SEC13: variants seen among roughly 807,000 people sequenced by gnomAD.
SEC13 encodes the protein SEC13 homolog, nuclear pore and COPII component, also known as protein SEC13 homolog.
A neutral mutation model predicts 49.2 loss-of-function variants in SEC13; 25 were observed. The ratio of observed to expected loss-of-function variants is 0.51; its 90% CI spans 0.37 to 0.71. The LOEUF (loss-of-function observed/expected upper bound fraction) is 0.71, where lower values mean the gene tolerates loss of function less well. Ranked by LOEUF, SEC13 falls within the 30% of genes least tolerant of loss-of-function variation. The pLI, the probability that SEC13 is intolerant of heterozygous loss-of-function variation, is 0.00. For synonymous variants in SEC13, 148 were observed against 163.9 expected, an observed-to-expected ratio of 0.90 and a Z score of 0.74; for missense variants, 383 against 417.6, an observed-to-expected ratio of 0.92 and a Z score of 0.72.
At chr3:10,305,264 T>G in intron 6 of SEC13, 108 bp from the exon 7 acceptor site, 1 of 1,440,046 alleles carries the variant, frequency 6.9e-7, no homozygotes, top group Non-Finnish European at 9.2e-7. Flanking sequence ...CCATCTTTCT[T>G]CTTTCATTCA....
chr3:10,308,200 C>T (rs1701009894), intron 5 of SEC13, among the ~76,000 whole-genome samples: 1 of 152,180 alleles, frequency 6.6e-6, no homozygotes, highest in African/African-American at 2.4e-5. Context: ...GCCCATCATT[C>T]CCAAAAGTTT....
intron 5 of SEC13, among the ~76,000 whole-genome samples, chr3:10,309,829 G>A (rs1041801611): frequency 6.6e-6 from 1 of 152,228 alleles, no homozygotes; most frequent in Non-Finnish European, 1.5e-5. Flanking sequence ...AAAGGCTCAG[G>A]AAAGTCTAAG....
Position 10,308,668 on chromosome 3 carries a change from ATAATC to A in SEC13, c.451-2981_451-2977del, listed in dbSNP as rs1701040155. Among the ~76,000 whole-genome samples, 6 of 151,740 alleles carry A rather than the reference ATAATC, an allele frequency of 4.0e-5. No individual in the cohort carries two copies. The South Asian group carries it at 1.2e-3, about 31-fold the overall frequency. On this transcript the variant is annotated intron_variant, in intron 5 of 8. Coordinates refer to ENST00000350697, the MANE Select transcript of SEC13 (RefSeq NM_183352.3). ...ATCCTTACTATTGAAGAGTCTGACA[ATAATC>A]TAATTGTCTTTCCCCTTTAAGTCAC...
chr3:10,313,590 T>A (rs1701421653), intron 3 of SEC13: 1 of 275,254 alleles, frequency 3.6e-6, no homozygotes. Context: ...AGTCTCCTCC[T>A]CCCTCTGGCT....
chr3:10,307,212 C>CT (rs35883236), intron 5 of SEC13, among the ~76,000 whole-genome samples: 76 of 141,316 alleles, frequency 5.4e-4, no homozygotes, highest in African/African-American at 6.3e-4. Context: ...GAGCCACTGC[C>CT]TTTTTTTTTT....
chr3:10,317,530 G>C (rs943125883), intron 2 of SEC13, among the ~76,000 whole-genome samples: 1 of 151,904 alleles, frequency 6.6e-6, no homozygotes, highest in African/African-American at 2.4e-5. Flanking sequence ...CTCAGGAAAT[G>C]CCCTGAGTGT....
At chr3:10,311,098 G>C (rs537324300) in intron 5 of SEC13, among the ~76,000 whole-genome samples, 10 of 151,740 alleles carry the variant, frequency 6.6e-5, no homozygotes, top group Admixed American at 6.6e-4. Flanking sequence ...CCCTGTGTCT[G>C]CGTGGGCTCT....
At chr3:10,313,570 C>T (rs1319108283) in intron 3 of SEC13, 6 of 322,124 alleles carry the variant, frequency 1.9e-5, no homozygotes, top group African/African-American at 8.4e-5. Flanking sequence ...CCGTGGGCTG[C>T]ACACACTCAA....
At chr3:10,312,914 A>C (rs963970941) in intron 3 of SEC13, 184 bp from the exon 4 acceptor site, 8 of 588,414 alleles carry the variant, frequency 1.4e-5, no homozygotes, top group Non-Finnish European at 2.1e-5. Flanking sequence ...TGAGGTCCTA[A>C]GAGGTTAAGC....
intron 5 of SEC13, among the ~76,000 whole-genome samples, chr3:10,307,634 T>G (rs1164731477): frequency 6.6e-6 from 1 of 152,124 alleles, no homozygotes; most frequent in Non-Finnish European, 1.5e-5. Context: ...GTGAGACTTA[T>G]TCACTATCAA....
intron 5 of SEC13, among the ~76,000 whole-genome samples, chr3:10,307,486 C>A (rs796789118): frequency 6.6e-6 from 1 of 152,114 alleles, no homozygotes; most frequent in South Asian, 2.1e-4. Flanking sequence ...AATGGACTTA[C>A]AGCTCCATGT....
Position 10,301,104 on chromosome 3 carries a change from C to A in SEC13, c.*157G>T. The A allele has an allele frequency of 6.2e-7, 1 of 1,613,332 alleles. No individual in the cohort carries two copies. The highest frequency in any genetic ancestry group is 8.5e-7 in the Non-Finnish European group (1 of 1,179,868). On this transcript the variant is annotated 3_prime_UTR_variant, in exon 9 of 9. Transcript: ENST00000350697. Reference sequence around the variant, plus strand: ...GTAGATTACAAAGCATCTCCGATCACGTTAAGGCAGATGATCAATCTGTGG... The same window carrying A: ...GTAGATTACAAAGCATCTCCGATCAAGTTAAGGCAGATGATCAATCTGTGG...
rs757478883 is a variant in SEC13, at chr3:10,312,734, CA to C, written c.165-5del. ...TTGCCACACAGGACCCTCATGACTA[CA>C]AAGGGAGAGATAGGCCAGAGGAACC... On this transcript the variant is annotated splice_polypyrimidine_tract_variant and splice_region_variant and intron_variant, in intron 3 of 8. Coordinates refer to ENST00000350697, the MANE Select transcript of SEC13 (RefSeq NM_183352.3). 2 of 1,614,072 alleles carry C rather than the reference CA, an allele frequency of 1.2e-6. No homozygotes were observed. Among genetic ancestry groups the C allele is most frequent in the South Asian group, 2.2e-5 (2 of 91,078 alleles).
Position 10,307,513 on chromosome 3 carries a change from C to A in SEC13, c.451-1821G>T, listed in dbSNP as rs1171972451. 1.8e-4 allele frequency among the ~76,000 whole-genome samples: 27 copies of A among 147,584 alleles called. 1 individual carries two copies. The highest frequency in any genetic ancestry group is 1.8e-3 in the Admixed American group (27 of 14,862). ...GCTCCATGTAGCTGGGGAGGCCTCA[C>A]AATCATGGCAGAAGGCAAGGGAGGA... On this transcript the variant is annotated intron_variant, in intron 5 of 8. Transcript: ENST00000350697.
intron 3 of SEC13, chr3:10,314,805 G>A (rs1352000533): frequency 2.0e-5 from 3 of 153,510 alleles, no homozygotes; most frequent in Non-Finnish European, 2.9e-5. Flanking sequence ...GCAGAACAAT[G>A]GGATTTATAA....
In SEC13 at chr3:10,318,084, A is replaced by G. The variant is rs755936816; in HGVS notation, c.14T>C (p.Ile5Thr). MVSV[I>T]NTVDTSHEDM... ...CTCATGGGAGGTATCCACAGTGTTA[A>G]TTACTGACACCTAGAACCAAAGATA... is the stretch of plus-strand genomic sequence containing the variant. The change falls in exon 2 of 9, where the codon ATT (isoleucine) becomes ACT (threonine). Residue 5 changes from isoleucine (I) to threonine (T), a missense_variant. Transcript: ENST00000350697. The G allele has an allele frequency of 2.5e-6, 4 of 1,603,056 alleles. No homozygotes were observed. The highest frequency in any genetic ancestry group is 3.4e-6 in the Non-Finnish European group (4 of 1,170,232).
chr3:10,301,153 A>AAAATAATCCTGTTGG lies in SEC13; in HGVS notation c.*93_*107dup. 1 of 1,613,930 alleles carries AAAATAATCCTGTTGG rather than the reference A, an allele frequency of 6.2e-7. No individual in the cohort carries two copies. Among genetic ancestry groups the AAAATAATCCTGTTGG allele is most frequent in the South Asian group, 1.1e-5 (1 of 91,082 alleles). On this transcript the variant is annotated 3_prime_UTR_variant, in exon 9 of 9. Coordinates refer to ENST00000350697, the MANE Select transcript of SEC13 (RefSeq NM_183352.3). ...GGCTGCATCTGTAACTCCTCCTGGG[A>AAAATAATCCTGTTGG]AAATAATCCTGTTGGAGTTGGGGGC...
Position 10,305,546 on chromosome 3 carries a change from C to T in SEC13, c.584+13G>A, listed in dbSNP as rs776699322. 1.2e-6 allele frequency: 2 copies of T among 1,613,126 alleles called. No homozygotes were observed. Among genetic ancestry groups the T allele is most frequent in the South Asian group, 1.1e-5 (1 of 91,010 alleles). On this transcript the variant is annotated intron_variant, in intron 6 of 8. Transcript: ENST00000350697. Reference sequence around the variant, plus strand: ...GTGTCCCCTCAAAGAGAAGGCCACACATCCCTACTTACTTCCACAGCTTGA... The same window carrying T: ...GTGTCCCCTCAAAGAGAAGGCCACATATCCCTACTTACTTCCACAGCTTGA...
At chr3:10,309,155 CTT>C (rs1463010553) in intron 5 of SEC13, among the ~76,000 whole-genome samples, 1 of 151,706 alleles carries the variant, frequency 6.6e-6, no homozygotes, top group East Asian at 1.9e-4. Flanking sequence ...TCAGGCTGGT[CTT>C]AAACTCCTGA....
Sources: allele counts gnomAD v4.1 joint callset (sites outside exome capture counted in the v4.1 genomes callset), GRCh38; gene constraint gnomAD v4.1.1; transcripts MANE v1.5; gene names NCBI Gene and HGNC (gene_info 2026-07-23, HGNC 2026-07-21).